EFCAB6: variants seen among roughly 807,000 people sequenced by gnomAD.
EFCAB6 encodes EF-hand calcium-binding domain-containing protein 6.
Under a neutral mutation model 169.8 loss-of-function variants are expected in EFCAB6, and 156 were observed. The observed-to-expected ratio is 0.92, with a 90% CI of 0.81 to 1.05. The LOEUF is 1.05. EFCAB6 is among the 50% of genes least tolerant of loss of function. The probability of loss-of-function intolerance (pLI) is 0.00; values close to 1 mark genes in which losing one functional copy is unlikely to be tolerated. For synonymous variants in EFCAB6, 698 were observed against 676.4 expected (o/e 1.03, Z -0.50); for missense variants, 1,800 against 1,829.1 (o/e 0.98, Z 0.29).
At chr22:43,755,655 G>C (rs2060931623) in intron 6 of EFCAB6, 111 bp downstream of exon 6, 1 of 971,016 alleles carries the variant, frequency 1.0e-6, no homozygotes, top group Non-Finnish European at 1.5e-6. Flanking sequence ...ACTATGACAT[G>C]AGAACTCGGA....
At chr22:43,588,031 T>G (rs2051193951) in intron 24 of EFCAB6, among the ~76,000 whole-genome samples, 2 of 152,244 alleles carry the variant, frequency 1.3e-5, no homozygotes, top group Admixed American at 1.3e-4. Context: ...TTGTCTATCT[T>G]AAGTCCTAAT....
chr22:43,778,806 G>A lies in EFCAB6; in HGVS notation c.139+3374C>T, dbSNP rs143098417. ...ACTGAGCTCACCTCGCTAGAAACCT[G>A]AGAGAAGAAGAGGCTTTCCTTTTCT... On this transcript the variant is annotated intron_variant, in intron 3 of 31. Coordinates refer to ENST00000262726, the MANE Select transcript of EFCAB6 (RefSeq NM_022785.4). Among the ~76,000 whole-genome samples, 4 of 152,332 alleles carry A rather than the reference G, an allele frequency of 2.6e-5. No individual in the cohort carries two copies. In the East Asian group the frequency reaches 7.7e-4, roughly 29 times the overall value.
At chr22:43,564,754 A>G (rs2049315471) in intron 26 of EFCAB6, among the ~76,000 whole-genome samples, 1 of 152,204 alleles carries the variant, frequency 6.6e-6, no homozygotes, top group African/African-American at 2.4e-5. Context: ...TGGCCCCAGT[A>G]AAGAGCCCTC....
intron 5 of EFCAB6, among the ~76,000 whole-genome samples, chr22:43,756,068 G>A (rs758484281): frequency 3.3e-5 from 5 of 152,154 alleles, no homozygotes; most frequent in Admixed American, 2.0e-4. Flanking sequence ...CTAAGGTAAT[G>A]TGCAAATTAA....
chr22:43,792,466 G>T (rs997972238), intron 2 of EFCAB6, among the ~76,000 whole-genome samples: 4 of 152,182 alleles, frequency 2.6e-5, no homozygotes, highest in Admixed American at 1.3e-4. Context: ...TATCTGTGTA[G>T]CTGAAATAAT....
chr22:43,605,967 G>C (rs757925900), intron 22 of EFCAB6, among the ~76,000 whole-genome samples: 1 of 152,174 alleles, frequency 6.6e-6, no homozygotes, highest in African/African-American at 2.4e-5. Flanking sequence ...CCTAGGAACT[G>C]CACGATTGAC....
rs1226844084 is a variant in EFCAB6, at chr22:43,628,550, C to CA, written c.2233-1872dup. 1.3e-5 allele frequency among the ~76,000 whole-genome samples: 2 copies of CA among 152,180 alleles called. No individual in the cohort carries two copies. On this transcript the variant is annotated intron_variant, in intron 19 of 31. Coordinates refer to ENST00000262726, the MANE Select transcript of EFCAB6 (RefSeq NM_022785.4). This position sits in a 1 kb window ranked among gnomAD's most constrained non-coding sequence, Gnocchi z 4.8. Reference sequence around the variant, plus strand: ...AACCCCCTTGACTCTCCTTCTCACTCAGAGTCCAAGGCCAAGGCCTGGCCG... The same window carrying CA: ...AACCCCCTTGACTCTCCTTCTCACTCAAGAGTCCAAGGCCAAGGCCTGGCCG...
At chr22:43,561,802 A>G (rs985465722) in intron 26 of EFCAB6, among the ~76,000 whole-genome samples, 2 of 152,180 alleles carry the variant, frequency 1.3e-5, no homozygotes, top group African/African-American at 2.4e-5. Context: ...TGCTTTTTCT[A>G]TAACTAGAAG....
At chr22:43,551,772 T>A (rs2048391372) in intron 27 of EFCAB6, 1 of 152,040 alleles carries the variant, frequency 6.6e-6, no homozygotes, top group African/African-American at 2.4e-5. Flanking sequence ...GGTTTTCTGT[T>A]CCTATGTTAG....
In EFCAB6 at chr22:43,687,464, T is replaced by TAC; in HGVS notation, c.1142+5_1142+6dup. 1.4e-6 allele frequency: 2 copies of TAC among 1,422,236 alleles called. No individual in the cohort carries two copies. Among genetic ancestry groups the TAC allele is most frequent in the South Asian group, 2.7e-5 (2 of 73,498 alleles). 88.1% of individuals were successfully genotyped at this position (1,422,236 alleles called of 1,614,324 possible). A position where few individuals can be genotyped will look rare whatever the true frequency, so the allele number is the denominator to read the frequency against. ...TAAAATTTGTTTTTTTTTTTTTTTT[T>TAC]ACATACCTATTTCTTTTTGTCAGGG... On this transcript the variant is annotated splice_region_variant and intron_variant, in intron 11 of 31. Coordinates refer to ENST00000262726, the MANE Select transcript of EFCAB6 (RefSeq NM_022785.4).
Position 43,540,131 on chromosome 22 carries a change from G to C in EFCAB6, c.3875C>G (p.Pro1292Arg), listed in dbSNP as rs1378900164. 6.2e-7 allele frequency: 1 copy of C among 1,613,886 alleles called. No individual in the cohort carries two copies. The highest frequency in any genetic ancestry group is 8.5e-7 in the Non-Finnish European group (1 of 1,179,920). Residue 1292 changes from proline (P) to arginine (R), a missense_variant, in exon 28 of 32, where the codon CCC becomes CGC. Transcript: ENST00000262726. ...LRPGSKSQSHPCTPASTTVIP... is the reference protein window; with the variant it reads ...LRPGSKSQSHRCTPASTTVIP... Reference sequence around the variant, plus strand: ...CTGGCAGGATGGAGAACTCACACAGGGGTGGCTCTGCGACTTTGACCCTGG... The same window carrying C: ...CTGGCAGGATGGAGAACTCACACAGCGGTGGCTCTGCGACTTTGACCCTGG...
At chr22:43,653,418 T>C (rs1473174737) in intron 17 of EFCAB6, among the ~76,000 whole-genome samples, 3 of 152,218 alleles carry the variant, frequency 2.0e-5, no homozygotes, top group Admixed American at 1.3e-4. Context: ...ATCTTTAAAA[T>C]GCCAGAAGAA....
chr22:43,764,847 CAA>C (rs989563691), intron 5 of EFCAB6, among the ~76,000 whole-genome samples: 12 of 151,674 alleles, frequency 7.9e-5, no homozygotes, highest in Non-Finnish European at 1.8e-4. Flanking sequence ...ATGCTTTATG[CAA>C]AAACTATGAA....
chr22:43,580,645 C>T lies in EFCAB6; in HGVS notation c.3047G>A (p.Arg1016Gln), dbSNP rs142700455. 4.0e-5 allele frequency: 65 copies of T among 1,613,968 alleles called. 1 individual carries two copies. Among genetic ancestry groups the T allele is most frequent in the Admixed American group, 3.0e-4 (18 of 59,988 alleles). Residue 1016 changes from arginine (R) to glutamine (Q), a missense_variant, in exon 25 of 32, where the codon CGG becomes CAG. Coordinates refer to ENST00000262726, the MANE Select transcript of EFCAB6 (RefSeq NM_022785.4). ...THLLNSWGVS[R>Q]HDNAINYLDF... The stretch of plus-strand genomic sequence containing the variant: ...GAGGTAATTGATAGCATTATCATGC[C>T]GGCTGACTCCCCAACTTGTCCCAAA...
At chr22:43,749,821 TTGAG>T (rs1226721922) in intron 6 of EFCAB6, among the ~76,000 whole-genome samples, 1 of 152,212 alleles carries the variant, frequency 6.6e-6, no homozygotes, top group Admixed American at 6.5e-5. Context: ...CCTAATTTTG[TTGAG>T]TAACTTCTAT....
At chr22:43,613,012 G>A (rs944210058) in intron 21 of EFCAB6, among the ~76,000 whole-genome samples, 5 of 150,386 alleles carry the variant, frequency 3.3e-5, no homozygotes, top group Non-Finnish European at 5.9e-5. Flanking sequence ...AAAGCAGTGT[G>A]GCAATTCCTC....
intron 21 of EFCAB6, among the ~76,000 whole-genome samples, chr22:43,615,547 C>T (rs187277946): frequency 6.6e-6 from 1 of 152,206 alleles, no homozygotes; most frequent in East Asian, 1.9e-4. Context: ...ACTTTTGCAC[C>T]AACCAAATAA....
intron 2 of EFCAB6, among the ~76,000 whole-genome samples, chr22:43,805,237 A>G (rs1490175854): frequency 6.6e-6 from 1 of 152,248 alleles, no homozygotes; most frequent in Non-Finnish European, 1.5e-5. Context: ...AAAAACAGAA[A>G]GGTATTTCAT....
In EFCAB6 at chr22:43,645,337, A is replaced by G. The variant is rs114375715; in HGVS notation, c.1984-10121T>C. Among the ~76,000 whole-genome samples, 593 of 152,364 alleles carry G rather than the reference A, an allele frequency of 3.9e-3. 2 individuals are homozygous for G. Among genetic ancestry groups the G allele is most frequent in the Middle Eastern group, 0.014 (4 of 294 alleles). Reference sequence around the variant, plus strand: ...CATGTCATTTCTTAATACACTAGAAAGAGGAAAAAAAGTACGCAAGTCCAA... The same window carrying G: ...CATGTCATTTCTTAATACACTAGAAGGAGGAAAAAAAGTACGCAAGTCCAA... On this transcript the variant is annotated intron_variant, in intron 17 of 31. Transcript: ENST00000262726.
Sources: allele counts gnomAD v4.1 joint callset (sites outside exome capture counted in the v4.1 genomes callset), GRCh38; gene constraint gnomAD v4.1.1; non-coding constraint Gnocchi (gnomAD v3.1); transcripts MANE v1.5; gene names NCBI Gene and HGNC (gene_info 2026-07-23, HGNC 2026-07-21).